The following PELI3 variants were observed in gnomAD, a reference collection of about 807,000 sequenced individuals.
PELI3 encodes E3 ubiquitin-protein ligase pellino homolog 3.
PELI3 carries 19 observed loss-of-function variants against 35.5 expected under a neutral mutation model. The observed-to-expected ratio is 0.54, with a 90% CI of 0.37 to 0.79. PELI3 has a LOEUF of 0.79. Among genes scored for constraint, PELI3 ranks in the 30% least tolerant of loss-of-function variants. The pLI is 0.00. For synonymous variants in PELI3, 262 were observed against 279.2 expected, an observed-to-expected ratio of 0.94 and a Z score of 0.62; for missense variants, 490 against 661.2, an observed-to-expected ratio of 0.74 and a Z score of 2.84.
rs1416890070 is a variant in PELI3 at position 66,473,915 on chromosome 11, G to A, written c.830G>A (p.Arg277Gln). ...CGGGACAGCCGCTCAGCCCAGCAGC[G>A]GGGCAAGCTGGTAGGTGGCCCGCTC... ...TLRDSRSAQQ[R>Q]GKLVENESNV... Residue 277 changes from arginine to glutamine, a missense_variant, in exon 7 of 8, where the codon CGG becomes CAG. By Grantham distance (43) the Arg-to-Gln change is conservative. This residue lies in a region of PELI3 where 349 missense variants were observed against 484.8 expected (regional missense o/e 0.72). Coordinates refer to ENST00000320740, the MANE Select transcript of PELI3 (RefSeq NM_145065.3). The surrounding 1 kb of genome is among the most constrained non-coding windows in gnomAD (Gnocchi z 5.8). 12 of 1,613,040 alleles carry A rather than the reference G, an allele frequency of 7.4e-6. No homozygotes were observed. Among genetic ancestry groups the A allele is most frequent in the Admixed American group, 1.7e-5 (1 of 59,988 alleles).
At position 66,472,382 on chromosome 11, in the gene PELI3, G is replaced by A; in HGVS notation, c.368G>A (p.Arg123His). The change falls in exon 5 of 8, where the codon CGT becomes CAT. Residue 123 changes from arginine to histidine, a missense_variant. By Grantham distance (29) the Arg-to-His change is conservative. This residue lies in a region of PELI3 where 137 missense variants were observed against 157.1 expected (regional missense o/e 0.87). Transcript: ENST00000320740. ...TCTCCCCACCAGGCACTGAGTAACC[G>A]TGGTCAGCACAGCATCTCGTATACA... ...TPLVSKALSN[R>H]GQHSISYTLS... 7 of 1,613,956 alleles carry A rather than the reference G, an allele frequency of 4.3e-6. No homozygotes were observed. Among genetic ancestry groups the A allele is most frequent in the South Asian group, 1.1e-5 (1 of 91,070 alleles).
rs193059246 is a variant in PELI3, at chr11:66,476,104, C to T, written c.1347C>T (p.Cys449=). ...THAFHAACPF[C]GAWLTGEHGC... The stretch of plus-strand genomic sequence containing the variant: ...CTTTCCATGCCGCCTGCCCCTTTTG[C>T]GGGGCCTGGCTTACCGGCGAGCATG... The change falls in exon 8 of 8, where the codon TGC becomes TGT. Residue 449 remains cysteine (C), a synonymous_variant. Transcript: ENST00000320740. 244 of 1,599,774 alleles carry T rather than the reference C, an allele frequency of 1.5e-4. No homozygotes were observed. The highest frequency in any genetic ancestry group is 2.5e-4 in the African/African-American group (19 of 74,860).
chr11:66,474,315 T>A (rs1854827796), intron 7 of PELI3: 1 of 561,778 alleles, frequency 1.8e-6, no homozygotes, highest in African/African-American at 1.9e-5. Flanking sequence ...TTGTAGCATG[T>A]CTATCACGTT....
upstream of PELI3, chr11:66,466,637 G>C (rs905374037): frequency 3.9e-5 from 6 of 152,310 alleles, no homozygotes; most frequent in African/African-American, 1.4e-4. Context: ...GTAGACTACG[G>C]GGGAGTCCTG....
At position 66,475,743 on chromosome 11, in the gene PELI3, G is replaced by A. The variant is rs1400554571; in HGVS notation, c.986G>A (p.Arg329Gln). ...CAGCGGCAGGAGGCAAATGCAGCGCGGCCCCAGTGCCCCGTGGGCCTCAGC... is the reference window on the plus strand; with the variant it reads ...CAGCGGCAGGAGGCAAATGCAGCGCAGCCCCAGTGCCCCGTGGGCCTCAGC... The part of the protein sequence containing the change: ...EAQRQEANAA[R>Q]PQCPVGLSTL... The change falls in exon 8 of 8, where the codon CGG (arginine) becomes CAG (glutamine). Residue 329 changes from arginine to glutamine, a missense_variant. Arg to Gln is a conservative substitution (Grantham distance 43). Coordinates refer to ENST00000320740, the MANE Select transcript of PELI3 (RefSeq NM_145065.3). 4.3e-6 allele frequency: 7 copies of A among 1,611,134 alleles called. No individual in the cohort carries two copies. The highest frequency in any genetic ancestry group is 5.1e-6 in the Non-Finnish European group (6 of 1,179,358).
At position 66,476,220 on chromosome 11, in the gene PELI3, T is replaced by G. The variant is rs547636424; in HGVS notation, c.*53T>G. The stretch of plus-strand genomic sequence containing the variant: ...CCACCTGCCCACCCAGGTCCCCACC[T>G]CCTGCAGCCCAGAGGGAGCTCTGCA... On this transcript the variant is annotated 3_prime_UTR_variant, in exon 8 of 8. Coordinates refer to ENST00000320740, the MANE Select transcript of PELI3 (RefSeq NM_145065.3). 1 of 1,485,010 alleles carries G rather than the reference T, an allele frequency of 6.7e-7. No homozygotes were observed. The highest frequency in any genetic ancestry group is 9.0e-7 in the Non-Finnish European group (1 of 1,111,620). 92.0% of individuals were successfully genotyped at this position (1,485,010 alleles called of 1,614,324 possible).
rs1370048545 is a variant in PELI3 at position 66,466,916 on chromosome 11, G to T, written c.-113G>T. 1.3e-5 allele frequency: 2 copies of T among 151,406 alleles called. No homozygotes were observed. The highest frequency in any genetic ancestry group is 2.1e-4 in the South Asian group (1 of 4,824). The allele number at this position is 151,406 out of a possible 1,614,324, so 9.4% of individuals were successfully genotyped here. A position where few individuals can be genotyped will look rare whatever the true frequency, so the allele number is the denominator to read the frequency against. ...CCCCGGCCCTGGGTGTCCCCGTGAC[G>T]AGGCAGCGCGGAGCCGCCGCGGGCC... On this transcript the variant is annotated 5_prime_UTR_variant, in exon 1 of 8. Coordinates refer to ENST00000320740, the MANE Select transcript of PELI3 (RefSeq NM_145065.3).
rs559885765 is a variant in PELI3, at chr11:66,472,467, C to G, written c.453C>G (p.Phe151Leu). The stretch of plus-strand genomic sequence containing the variant: ...CACATGATAGCGACACAGACATGTT[C>G]CAGGTATGCTCAGGCCTCTCCACAC... ...EYTHDSDTDM[F>L]QIGRSTENMI... Residue 151 changes from phenylalanine to leucine, a missense_variant, in exon 5 of 8, where the codon TTC becomes TTG. This residue lies in a region of PELI3 where 349 missense variants were observed against 484.8 expected (regional missense o/e 0.72). Transcript: ENST00000320740. The G allele has an allele frequency of 1.2e-6, 2 of 1,613,192 alleles. No homozygotes were observed. Among genetic ancestry groups the G allele is most frequent in the African/African-American group, 2.7e-5 (2 of 75,002 alleles).
rs1316446847 is a variant in PELI3 at position 66,468,165 on chromosome 11, C to T, written c.37C>T (p.Arg13Ter). 1.9e-6 allele frequency: 3 copies of T among 1,608,956 alleles called. No individual in the cohort carries two copies. Among genetic ancestry groups the T allele is most frequent in the Admixed American group, 1.7e-5 (1 of 59,610 alleles). Residue 13 changes from arginine to a stop codon, truncating the protein, a stop_gained, in exon 2 of 8, where the codon CGA becomes TGA. Coordinates refer to ENST00000320740, the MANE Select transcript of PELI3 (RefSeq NM_145065.3). LOFTEE classifies it high-confidence loss of function. ...LEGNPEVGSP[R>*]TSDLQHRGNK... is the part of the protein sequence containing the mutation. ...AGGAAACCCTGAAGTGGGGTCCCCC[C>T]GAACCTCAGACCTCCAGCACCGGGG...
chr11:66,473,412 G>A lies in PELI3; in HGVS notation c.628G>A (p.Ala210Thr), dbSNP rs1854791786. The A allele has an allele frequency of 1.2e-6, 2 of 1,612,654 alleles. No individual in the cohort carries two copies. The highest frequency in any genetic ancestry group is 1.3e-5 in the African/African-American group (1 of 75,016). Residue 210 changes from alanine to threonine, a missense_variant, in exon 6 of 8, where the codon GCC becomes ACC. Ala to Thr is a moderately conservative substitution (Grantham distance 58, BLOSUM62 0). Transcript: ENST00000320740. This position sits in a 1 kb window ranked among gnomAD's most constrained non-coding sequence, Gnocchi z 5.8. ...CCGCATCTATGCCGCTGGCTTCGATGCCTCTAGCAACATCTTCCTTGGAGT... is the reference window on the plus strand; with the variant it reads ...CCGCATCTATGCCGCTGGCTTCGATACCTCTAGCAACATCTTCCTTGGAGT... Reference protein sequence around the residue: ...TARIYAAGFDASSNIFLGERA... With the variant: ...TARIYAAGFDTSSNIFLGERA...
chr11:66,470,164 G>T (rs1383475211), intron 3 of PELI3, among the ~76,000 whole-genome samples: 2 of 152,170 alleles, frequency 1.3e-5, no homozygotes, highest in Non-Finnish European at 2.9e-5. Context: ...GTATTTGGCA[G>T]CTCTTTGTCC....
chr11:66,471,838 A>C (rs1854729824), intron 4 of PELI3, among the ~76,000 whole-genome samples: 1 of 151,952 alleles, frequency 6.6e-6, no homozygotes, highest in African/African-American at 2.4e-5. Flanking sequence ...CAGTTTCTTC[A>C]ACTCTAAAAT....
At chr11:66,469,795 T>TTG (rs1854654730) in intron 3 of PELI3, among the ~76,000 whole-genome samples, 1 of 143,192 alleles carries the variant, frequency 7.0e-6, no homozygotes, top group African/African-American at 2.6e-5. Context: ...GAATCTGTTT[T>TTG]TTTTTTTTGT....
chr11:66,476,305 C>G lies in PELI3; in HGVS notation c.*138C>G, dbSNP rs1345351411. 6 of 1,006,550 alleles carry G rather than the reference C, an allele frequency of 6.0e-6. No individual in the cohort carries two copies. Among genetic ancestry groups the G allele is most frequent in the Non-Finnish European group, 8.5e-6 (6 of 707,524 alleles). The allele number at this position is 1,006,550 out of a possible 1,614,324, so 62.4% of individuals were successfully genotyped here. Reference sequence around the variant, plus strand: ...ATGGACATGTTGGATGGGCTGTGCCCTTCCCCCCAACTGTGGCCCCCCAAG... The same window carrying G: ...ATGGACATGTTGGATGGGCTGTGCCGTTCCCCCCAACTGTGGCCCCCCAAG... On this transcript the variant is annotated 3_prime_UTR_variant, in exon 8 of 8. Transcript: ENST00000320740.
At position 66,472,415 on chromosome 11, in the gene PELI3, G is replaced by A. The variant is rs776583755; in HGVS notation, c.401G>A (p.Arg134Gln). Residue 134 changes from arginine to glutamine, a missense_variant, in exon 5 of 8, where the codon CGG becomes CAG. Physicochemically the swap from Arg to Gln is conservative, Grantham distance 43 (BLOSUM62 1). Transcript: ENST00000320740. ...CACAGCATCTCGTATACACTGTCCC[G>A]GAGCCACTCGGTCATAGTGGAGTAT... ...GQHSISYTLS[R>Q]SHSVIVEYTH... 3 of 1,614,048 alleles carry A rather than the reference G, an allele frequency of 1.9e-6. No homozygotes were observed. Among genetic ancestry groups the A allele is most frequent in the East Asian group, 2.2e-5 (1 of 44,876 alleles).
chr11:66,472,392 C>T lies in PELI3; in HGVS notation c.378C>T (p.His126=). 6.2e-7 allele frequency: 1 copy of T among 1,614,096 alleles called. No homozygotes were observed. Among genetic ancestry groups the T allele is most frequent in the Non-Finnish European group, 8.5e-7 (1 of 1,179,976 alleles). The change falls in exon 5 of 8, where the codon CAC becomes CAT. Residue 126 remains histidine (H), a synonymous_variant. Coordinates refer to ENST00000320740, the MANE Select transcript of PELI3 (RefSeq NM_145065.3). ...AGGCACTGAGTAACCGTGGTCAGCA[C>T]AGCATCTCGTATACACTGTCCCGGA... is the stretch of plus-strand genomic sequence containing the variant. The part of the protein sequence containing the change: ...VSKALSNRGQ[H]SISYTLSRSH...
In PELI3 at chr11:66,476,536, C is replaced by A. The variant is rs1296472211; in HGVS notation, c.*369C>A. On this transcript the variant is annotated 3_prime_UTR_variant, in exon 8 of 8. Transcript: ENST00000320740. ...TTAGGCTGGCTATGCCCTGAGCCTG[C>A]CAACCCAGTTTCAGACACTCATCCT... is the stretch of plus-strand genomic sequence containing the variant. The A allele has an allele frequency of 3.9e-6, 1 of 253,516 alleles. No homozygotes were observed. 15.7% of individuals were successfully genotyped at this position (253,516 alleles called of 1,614,324 possible). A position where few individuals can be genotyped will look rare whatever the true frequency, so the allele number is the denominator to read the frequency against.
Position 66,473,716 on chromosome 11 carries a change from T to C in PELI3, c.652-21T>C, listed in dbSNP as rs1854802040. 1 of 1,612,316 alleles carries C rather than the reference T, an allele frequency of 6.2e-7. No homozygotes were observed. The highest frequency in any genetic ancestry group is 8.5e-7 in the Non-Finnish European group (1 of 1,179,514). ...TGGGGGGCCCCTGGGGGATGTGATCTGATCCCTCATGTGGTCCCAGGAGCG... is the reference window on the plus strand; with the variant it reads ...TGGGGGGCCCCTGGGGGATGTGATCCGATCCCTCATGTGGTCCCAGGAGCG... On this transcript the variant is annotated intron_variant, in intron 6 of 7. Coordinates refer to ENST00000320740, the MANE Select transcript of PELI3 (RefSeq NM_145065.3). The surrounding 1 kb of genome is among the most constrained non-coding windows in gnomAD (Gnocchi z 5.8).
chr11:66,469,808 T>G (rs1048588539), intron 3 of PELI3, among the ~76,000 whole-genome samples: 4 of 147,100 alleles, frequency 2.7e-5, no homozygotes, highest in East Asian at 2.0e-4. Context: ...TTTTTTGTTT[T>G]TTTTTTTTTG....
Sources: gnomAD v4.1 joint callset for allele counts (sites outside exome capture counted in the v4.1 genomes callset) on GRCh38, gnomAD v4.1.1 for gene constraint, gnomAD v4.1.1 regional missense constraint, Gnocchi (gnomAD v3.1) non-coding constraint, MANE v1.5 for transcripts, NCBI Gene and HGNC (gene_info 2026-07-23, HGNC 2026-07-21) for gene names.